Variants in PDLIM7 observed in about 807,000 individuals in gnomAD.
PDLIM7 encodes PDZ and LIM domain protein 7.
In PDLIM7, 37 loss-of-function variants were observed where a neutral mutation model predicts 53.9. That is an observed-to-expected ratio of 0.69 (90% CI 0.53 to 0.90). PDLIM7 has a LOEUF of 0.90. PDLIM7 is among the 40% of genes least tolerant of loss of function. PDLIM7 has a pLI of 0.00. For missense variants in PDLIM7, 617 were observed against 638.5 expected, an observed-to-expected ratio of 0.97 and a Z score of 0.36; for synonymous variants, 300 against 261.3, an observed-to-expected ratio of 1.15 and a Z score of -1.43.
chr5:177,483,784 C>T, intron 12 of PDLIM7, 54 bp from the exon 13 acceptor site: 1 of 1,578,358 alleles, frequency 6.3e-7, no homozygotes, highest in South Asian at 1.1e-5. Context: ...GGAGAGGCCC[C>T]TTCCCAACTT....
At position 177,491,929 on chromosome 5, in the gene PDLIM7, G is replaced by C. The variant is rs1758814246; in HGVS notation, c.280-4C>G. ...GGTCCGCGGCGGGGGCGGAGGCCTGGGCAGAGACACAGCCGGGCAGGGCGG... is the reference window on the plus strand; with the variant it reads ...GGTCCGCGGCGGGGGCGGAGGCCTGCGCAGAGACACAGCCGGGCAGGGCGG... On this transcript the variant is annotated splice_polypyrimidine_tract_variant and splice_region_variant and intron_variant, in intron 4 of 12. Transcript: ENST00000355841. The C allele has an allele frequency of 1.7e-5, 21 of 1,222,370 alleles. No individual in the cohort carries two copies. The highest frequency in any genetic ancestry group is 2.0e-5 in the Non-Finnish European group (19 of 953,128). 75.7% of individuals were successfully genotyped at this position (1,222,370 alleles called of 1,614,324 possible).
In PDLIM7 at chr5:177,488,257, A is replaced by G. The variant is rs761890282; in HGVS notation, c.870-9T>C. 9 of 1,589,678 alleles carry G rather than the reference A, an allele frequency of 5.7e-6. No individual in the cohort carries two copies. The South Asian group carries it at 1.0e-4, about 18-fold the overall frequency. On this transcript the variant is annotated splice_polypyrimidine_tract_variant and intron_variant, in intron 9 of 12. Coordinates refer to ENST00000355841, the MANE Select transcript of PDLIM7 (RefSeq NM_005451.5). Reference sequence around the variant, plus strand: ...CCACCAGGTAGCGGCCCCTGCAGGGAGGCGAGAGCGGTCAGAGGGAGCACA... The same window carrying G: ...CCACCAGGTAGCGGCCCCTGCAGGGGGGCGAGAGCGGTCAGAGGGAGCACA...
intron 2 of PDLIM7, 74 bp from the exon 3 acceptor site, chr5:177,492,751 G>A (rs1484388198): frequency 6.6e-7 from 1 of 1,504,392 alleles, no homozygotes; most frequent in Non-Finnish European, 9.1e-7. Flanking sequence ...TGGTAACACT[G>A]CCCCACCCAA....
intron 10 of PDLIM7, chr5:177,484,490 A>G (rs752844358): frequency 1.4e-5 from 5 of 353,998 alleles, no homozygotes; most frequent in Non-Finnish European, 2.1e-5. Flanking sequence ...CTGCAGCCAA[A>G]CACACCCTCC....
chr5:177,491,777 G>T, intron 5 of PDLIM7, 30 bp downstream of exon 5: 1 of 1,075,368 alleles, frequency 9.3e-7, no homozygotes, highest in Non-Finnish European at 1.2e-6. Flanking sequence ...GCCTGATGGC[G>T]TGGGCGCGGG....
chr5:177,492,671 G>A lies in PDLIM7; in HGVS notation c.103C>T (p.Pro35Ser). ...NVPLSISRLT[P>S]GGKAAQAGVA... ...CCGGCCTGCGCCGCTTTGCCCCCAG[G>A]AGTGAGCTGTGGAGAGAGAAGCAAA... The change falls in exon 3 of 13, where the codon CCT becomes TCT. Residue 35 changes from proline to serine, a missense_variant. Physicochemically the swap from Pro to Ser is moderately conservative, Grantham distance 74. Coordinates refer to ENST00000355841, the MANE Select transcript of PDLIM7 (RefSeq NM_005451.5). 6.2e-7 allele frequency: 1 copy of A among 1,604,418 alleles called. No homozygotes were observed. The highest frequency in any genetic ancestry group is 8.5e-7 in the Non-Finnish European group (1 of 1,179,764).
chr5:177,492,482 C>T (rs1758849299), intron 3 of PDLIM7, 44 bp downstream of exon 3: 3 of 1,613,624 alleles, frequency 1.9e-6, no homozygotes, highest in Non-Finnish European at 2.5e-6. Context: ...CGCAGGGATC[C>T]CCACTGCCAG....
chr5:177,489,291 C>G, intron 9 of PDLIM7, 102 bp downstream of exon 9: 1 of 909,886 alleles, frequency 1.1e-6, no homozygotes, highest in Non-Finnish European at 1.7e-6. Flanking sequence ...GAACTGAATC[C>G]TTATTCCCCC....
Position 177,489,839 on chromosome 5 carries a change from G to C in PDLIM7, c.573-7C>G. Reference sequence around the variant, plus strand: ...TTCTGTCCTGGGCACCTGGCTGCAAGATCTGCCATTCAAGGCCCTGCATGG... The same window carrying C: ...TTCTGTCCTGGGCACCTGGCTGCAACATCTGCCATTCAAGGCCCTGCATGG... On this transcript the variant is annotated splice_region_variant and splice_polypyrimidine_tract_variant and intron_variant, in intron 7 of 12. Coordinates refer to ENST00000355841, the MANE Select transcript of PDLIM7 (RefSeq NM_005451.5). 6.3e-7 allele frequency: 1 copy of C among 1,583,820 alleles called. No individual in the cohort carries two copies. Among genetic ancestry groups the C allele is most frequent in the East Asian group, 2.3e-5 (1 of 43,626 alleles).
intron 2 of PDLIM7, among the ~76,000 whole-genome samples, chr5:177,495,556 T>A (rs28615269): frequency 6.6e-6 from 1 of 152,216 alleles, no homozygotes; most frequent in Non-Finnish European, 1.5e-5. Flanking sequence ...CTGGACCATA[T>A]AGCTGGAGCT....
chr5:177,483,687 T>C lies in PDLIM7; in HGVS notation c.1331A>G (p.Lys444Arg). Residue 444 changes from lysine to arginine, a missense_variant, in exon 13 of 13, where the codon AAG (lysine) becomes AGG (arginine). By Grantham distance (26) the Lys-to-Arg change is conservative. Coordinates refer to ENST00000355841, the MANE Select transcript of PDLIM7 (RefSeq NM_005451.5). The stretch of plus-strand genomic sequence containing the variant: ...ATGGCTCTTGCAGAGAGGCCTGTCC[T>C]TCTTGGAGTAGAAGGTCTTTCCTTC... ...NLEGKTFYSK[K>R]DRPLCKSHAF... The C allele has an allele frequency of 1.9e-6, 3 of 1,613,344 alleles. No individual in the cohort carries two copies. The African/African-American group carries it at 4.0e-5, about 21-fold the overall frequency.
intron 1 of PDLIM7, 112 bp from the exon 2 acceptor site, chr5:177,496,635 C>T: frequency 3.2e-6 from 2 of 622,456 alleles, no homozygotes; most frequent in Non-Finnish European, 5.2e-6. Flanking sequence ...CACGGGCAGC[C>T]CCTGAGCACG....
rs969342063 is a variant in PDLIM7 at position 177,484,273 on chromosome 5, C to A, written c.1051-83G>T. 1.9e-5 allele frequency: 30 copies of A among 1,548,470 alleles called. No individual in the cohort carries two copies. In the East Asian group the frequency reaches 3.2e-4, roughly 16 times the overall value. On this transcript the variant is annotated intron_variant, in intron 10 of 12. Coordinates refer to ENST00000355841, the MANE Select transcript of PDLIM7 (RefSeq NM_005451.5). The stretch of plus-strand genomic sequence containing the variant: ...CACGGGAACACAGGAGGGCTGGCCG[C>A]AAGCCCTGTTCCTTCTCGCGGTAAA...
chr5:177,495,857 G>T (rs1046427427), intron 2 of PDLIM7, among the ~76,000 whole-genome samples: 2 of 151,872 alleles, frequency 1.3e-5, no homozygotes, highest in Non-Finnish European at 2.9e-5. Flanking sequence ...GTGGATGTGG[G>T]TCCTTACATA....
Position 177,492,621 on chromosome 5 carries a change from C to A in PDLIM7, c.153G>T (p.Leu51=), listed in dbSNP as rs200477936. 5 of 1,611,344 alleles carry A rather than the reference C, an allele frequency of 3.1e-6. No homozygotes were observed. The Admixed American group carries it at 5.0e-5, about 16-fold the overall frequency. The change falls in exon 3 of 13, where the codon CTG becomes CTT. Residue 51 remains leucine, a synonymous_variant. Transcript: ENST00000355841. Reference sequence around the variant, plus strand: ...TACCCGCATTCTCGCCATCGATGCTCAGCACCCAGTCACCCACGGCCACTC... The same window carrying A: ...TACCCGCATTCTCGCCATCGATGCTAAGCACCCAGTCACCCACGGCCACTC... ...QAGVAVGDWV[L]SIDGENAGSL...
chr5:177,493,516 G>A (rs1758910514), intron 2 of PDLIM7, among the ~76,000 whole-genome samples: 1 of 152,250 alleles, frequency 6.6e-6, no homozygotes, highest in African/African-American at 2.4e-5. Flanking sequence ...GGAGAATGGC[G>A]TGTGCTGCCT....
chr5:177,484,231 C>T (rs759451353), intron 10 of PDLIM7, 41 bp from the exon 11 acceptor site: 1 of 1,604,936 alleles, frequency 6.2e-7, no homozygotes, highest in South Asian at 1.1e-5. Context: ...TCAGGCCCCT[C>T]CTGCCCTGCC....
Position 177,491,150 on chromosome 5 carries a change from T to C in PDLIM7, c.399-4A>G, listed in dbSNP as rs1298175258. 7.1e-7 allele frequency: 1 copy of C among 1,407,500 alleles called. No homozygotes were observed. The highest frequency in any genetic ancestry group is 9.5e-7 in the Non-Finnish European group (1 of 1,057,898). The allele number at this position is 1,407,500 out of a possible 1,614,324, so 87.2% of individuals were successfully genotyped here. ...GACCAGCGGTCGGAGCGGCTGTCTG[T>C]GGGGAGGGTGTGGCTCAGAACCCCA... On this transcript the variant is annotated splice_polypyrimidine_tract_variant and splice_region_variant and intron_variant, in intron 5 of 12. Coordinates refer to ENST00000355841, the MANE Select transcript of PDLIM7 (RefSeq NM_005451.5).
At chr5:177,486,815 TA>T (rs1758477677) in intron 10 of PDLIM7, among the ~76,000 whole-genome samples, 1 of 151,462 alleles carries the variant, frequency 6.6e-6, no homozygotes, top group Non-Finnish European at 1.5e-5. Flanking sequence ...GTATTTTTAG[TA>T]GAGATGGGGT....
Sources: gnomAD v4.1 joint callset for allele counts (sites outside exome capture counted in the v4.1 genomes callset) on GRCh38, gnomAD v4.1.1 for gene constraint, MANE v1.5 for transcripts, NCBI Gene and HGNC (gene_info 2026-07-23, HGNC 2026-07-21) for gene names.